The following UBE2F variants were observed in gnomAD, a reference collection of about 807,000 sequenced individuals.
UBE2F encodes NEDD8-conjugating enzyme UBE2F.
Under a neutral mutation model 29.6 loss-of-function variants are expected in UBE2F, and 5 were observed. The observed-to-expected ratio is 0.17, with a 90% confidence interval of 0.09 to 0.36. The LOEUF (loss-of-function observed/expected upper bound fraction) is 0.36. Among genes scored for constraint, UBE2F ranks in the 10% least tolerant of loss-of-function variants. The pLI is 1.00. For synonymous variants in UBE2F, 66 were observed against 81.8 expected, an observed-to-expected ratio of 0.81 and a Z score of 1.04; for missense variants, 141 against 228.5, an observed-to-expected ratio of 0.62 and a Z score of 2.47.
chr2:237,986,120 T>G (rs745975352), intron 2 of UBE2F: 17 of 353,410 alleles, frequency 4.8e-5, no homozygotes, highest in South Asian at 3.7e-4. Flanking sequence ...TTTCTCCCAA[T>G]TCATAGACTA....
In UBE2F at chr2:238,042,580, T is replaced by C. The variant is rs898499298; in HGVS notation, c.*1242T>C. ...CCAGTGAAATCAAACACAAAATAAA[T>C]GTCTGTCTAGTTTCATTTGCTGCCT... On this transcript the variant is annotated 3_prime_UTR_variant, in exon 10 of 10. Coordinates refer to ENST00000272930, the MANE Select transcript of UBE2F (RefSeq NM_080678.3). 2.0e-5 allele frequency: 3 copies of C among 152,232 alleles called. No individual in the cohort carries two copies. The highest frequency in any genetic ancestry group is 7.2e-5 in the African/African-American group (3 of 41,452). The allele number at this position is 152,232 out of a possible 1,614,324, so 9.4% of individuals were successfully genotyped here. A position where few individuals can be genotyped will look rare whatever the true frequency, so the allele number is the denominator to read the frequency against.
chr2:237,975,105 ATTTTT>A (rs35635589), intron 2 of UBE2F, among the ~76,000 whole-genome samples: 15 of 144,408 alleles, frequency 1.0e-4, no homozygotes, highest in Non-Finnish European at 1.5e-5. Flanking sequence ...TTTCTTTAAA[ATTTTT>A]TTTTTTTTTT....
chr2:237,991,760 G>A (rs1054264387), intron 3 of UBE2F, among the ~76,000 whole-genome samples: 6 of 151,342 alleles, frequency 4.0e-5, no homozygotes, highest in Non-Finnish European at 8.8e-5. Flanking sequence ...CCGCCACCAC[G>A]CCTAGCCAAT....
intron 1 of UBE2F, among the ~76,000 whole-genome samples, chr2:237,971,611 G>A (rs1445863510): frequency 6.6e-6 from 1 of 152,144 alleles, no homozygotes; most frequent in Non-Finnish European, 1.5e-5. Context: ...CATGAGCCAC[G>A]GCACCTGGCC....
At chr2:238,012,692 A>T (rs1424534161) in intron 4 of UBE2F, among the ~76,000 whole-genome samples, 1 of 152,102 alleles carries the variant, frequency 6.6e-6, no homozygotes, top group Non-Finnish European at 1.5e-5. Flanking sequence ...CATTCTAACA[A>T]TATGCCTCTG....
intron 2 of UBE2F, among the ~76,000 whole-genome samples, chr2:237,983,378 C>T (rs1414256543): frequency 6.6e-6 from 1 of 152,242 alleles, no homozygotes; most frequent in Non-Finnish European, 1.5e-5. Flanking sequence ...TGGGCTTCTC[C>T]CTTTCTCTAG....
intron 2 of UBE2F, among the ~76,000 whole-genome samples, chr2:237,977,356 A>G (rs1305046871): frequency 6.6e-6 from 1 of 152,252 alleles, no homozygotes; most frequent in Non-Finnish European, 1.5e-5. Context: ...AGTAGAACTC[A>G]GTGTAACCTC....
chr2:238,041,140 G>C lies in UBE2F; in HGVS notation c.508-148G>C, dbSNP rs866113387. On this transcript the variant is annotated intron_variant, in intron 9 of 9. Transcript: ENST00000272930. Reference sequence around the variant, plus strand: ...CCAGGTCGTGGCGAAATGGCACTCAGACTCCGCAAGGTCCCAGTCCTTCTA... The same window carrying C: ...CCAGGTCGTGGCGAAATGGCACTCACACTCCGCAAGGTCCCAGTCCTTCTA... 1.8e-5 allele frequency: 13 copies of C among 712,206 alleles called. 1 individual carries two copies. The Middle Eastern group carries it at 3.3e-3, about 183-fold the overall frequency. 44.1% of individuals were successfully genotyped at this position (712,206 alleles called of 1,614,324 possible). A position where few individuals can be genotyped will look rare whatever the true frequency, so the allele number is the denominator to read the frequency against.
intron 1 of UBE2F, among the ~76,000 whole-genome samples, chr2:237,970,716 A>C (rs1382763444): frequency 1.3e-5 from 2 of 152,062 alleles, no homozygotes; most frequent in African/African-American, 4.8e-5. Context: ...AAATTCTTTA[A>C]ATTTTTTTAT....
Position 238,016,599 on chromosome 2 carries a change from T to C in UBE2F, c.248T>C (p.Phe83Ser). 6.2e-7 allele frequency: 1 copy of C among 1,613,802 alleles called. No homozygotes were observed. The highest frequency in any genetic ancestry group is 8.5e-7 in the Non-Finnish European group (1 of 1,179,860). Reference protein sequence around the residue: ...EGYYQGGKFQFETEVPDAYNM... With the variant: ...EGYYQGGKFQSETEVPDAYNM... The stretch of plus-strand genomic sequence containing the variant: ...TACTACCAGGGTGGAAAATTTCAGT[T>C]TGAAACTGAAGTTCCCGATGCGTAC... Residue 83 changes from phenylalanine to serine, a missense_variant, in exon 5 of 10, where the codon TTT becomes TCT. Coordinates refer to ENST00000272930, the MANE Select transcript of UBE2F (RefSeq NM_080678.3).
intron 6 of UBE2F, among the ~76,000 whole-genome samples, chr2:238,026,498 A>G (rs2064433330): frequency 6.6e-6 from 1 of 151,918 alleles, no homozygotes; most frequent in African/African-American, 2.4e-5. Context: ...CAGTGGCGCG[A>G]TCTGAGCTCA....
intron 6 of UBE2F, among the ~76,000 whole-genome samples, chr2:238,026,356 CCTCT>C (rs1234115881): frequency 6.6e-6 from 1 of 152,188 alleles, no homozygotes; most frequent in Non-Finnish European, 1.5e-5. Flanking sequence ...TTCTTTCATT[CCTCT>C]CTCCTTAGTA....
At chr2:237,988,321 G>T (rs752875294) in intron 3 of UBE2F, among the ~76,000 whole-genome samples, 4 of 152,062 alleles carry the variant, frequency 2.6e-5, no homozygotes, top group Non-Finnish European at 5.9e-5. Flanking sequence ...GGTGGCGCAT[G>T]CCTGTAGTTC....
chr2:237,991,031 T>C (rs1255341664), intron 3 of UBE2F, among the ~76,000 whole-genome samples: 1 of 152,180 alleles, frequency 6.6e-6, no homozygotes, highest in African/African-American at 2.4e-5. Flanking sequence ...GAGTGTACTT[T>C]AAAAACAAGA....
intron 2 of UBE2F, among the ~76,000 whole-genome samples, chr2:237,975,317 C>T (rs985334548): frequency 2.6e-5 from 4 of 151,676 alleles, no homozygotes; most frequent in Non-Finnish European, 5.9e-5. Context: ...ATTATGTTGC[C>T]CAGGCTGGTC....
Position 238,040,155 on chromosome 2 carries a change from T to C in UBE2F, c.508-1133T>C, listed in dbSNP as rs1016618461. ...ATGGGACCGTATCCATAGCTTCAAA[T>C]TGGGAACTTGCCCGCCCTGGAAAGG... On this transcript the variant is annotated intron_variant, in intron 9 of 9. Coordinates refer to ENST00000272930, the MANE Select transcript of UBE2F (RefSeq NM_080678.3). The surrounding 1 kb of genome is among the most constrained non-coding windows in gnomAD (Gnocchi z 4.4). Among the ~76,000 whole-genome samples the C allele has an allele frequency of 6.6e-6, 1 of 152,156 alleles. No individual in the cohort carries two copies. The highest frequency in any genetic ancestry group is 2.4e-5 in the African/African-American group (1 of 41,432).
intron 6 of UBE2F, 78 bp from the exon 7 acceptor site, chr2:238,030,478 C>A: frequency 1.0e-6 from 1 of 983,440 alleles, no homozygotes; most frequent in Non-Finnish European, 1.6e-6. Flanking sequence ...GCATGGCACA[C>A]ACCGAGAGGA....
chr2:237,989,615 A>G (rs1424083024), intron 3 of UBE2F, among the ~76,000 whole-genome samples: 1 of 152,010 alleles, frequency 6.6e-6, no homozygotes, highest in Non-Finnish European at 1.5e-5. Context: ...AGCCTCCCAA[A>G]GTGCTGGGAT....
At chr2:238,021,302 G>A (rs1017420497) in intron 5 of UBE2F, among the ~76,000 whole-genome samples, 2 of 152,176 alleles carry the variant, frequency 1.3e-5, no homozygotes, top group Non-Finnish European at 2.9e-5. Context: ...CAGTGATGAC[G>A]ACCACAAGTG....
Sources: allele counts gnomAD v4.1 joint callset (sites outside exome capture counted in the v4.1 genomes callset), GRCh38; gene constraint gnomAD v4.1.1; non-coding constraint Gnocchi (gnomAD v3.1); transcripts MANE v1.5; gene names NCBI Gene and HGNC (gene_info 2026-07-23, HGNC 2026-07-21).